Variants in CCDC102B observed in about 807,000 individuals in gnomAD.
CCDC102B encodes the protein coiled-coil domain-containing protein 102B.
A neutral mutation model predicts 57.4 loss-of-function variants in CCDC102B; 75 were observed. The observed-to-expected ratio is 1.31, with a 90% CI of 1.08 to 1.58. The LOEUF (loss-of-function observed/expected upper bound fraction) is 1.58. Ranked by LOEUF, CCDC102B falls within the 40% of genes most tolerant of loss-of-function variation. The pLI is 0.00. For missense variants in CCDC102B, 636 were observed against 582.6 expected, an observed-to-expected ratio of 1.09 and a Z score of -0.94; for synonymous variants, 206 against 201.9, an observed-to-expected ratio of 1.02 and a Z score of -0.17.
intron 6 of CCDC102B, among the ~76,000 whole-genome samples, chr18:68,902,939 C>G (rs2040503629): frequency 6.6e-6 from 1 of 152,088 alleles, no homozygotes; most frequent in Admixed American, 6.6e-5. Flanking sequence ...CACAACCCGG[C>G]ACATTTTTCT....
chr18:69,033,457 C>G (rs1333414115), intron 7 of CCDC102B, among the ~76,000 whole-genome samples: 1 of 152,072 alleles, frequency 6.6e-6, no homozygotes, highest in East Asian at 1.9e-4. Context: ...TCTCCTGTTG[C>G]CCTAGTTCTT....
intron 2 of CCDC102B, among the ~76,000 whole-genome samples, chr18:68,728,088 C>A (rs1386925807): frequency 1.3e-5 from 2 of 152,116 alleles, no homozygotes; most frequent in Non-Finnish European, 2.9e-5. Flanking sequence ...CTTGAAGTGG[C>A]AATATGGGTC....
rs1212903777 is a variant in CCDC102B at position 69,054,829 on chromosome 18, G to C, written c.*692G>C. Reference sequence around the variant, plus strand: ...ATTTCTACAGTAAAATCATGGAAAGGCATCAGCATTGCAAAGTAGCATCTA... The same window carrying C: ...ATTTCTACAGTAAAATCATGGAAAGCCATCAGCATTGCAAAGTAGCATCTA... On this transcript the variant is annotated 3_prime_UTR_variant, in exon 8 of 8. Coordinates refer to ENST00000360242, the MANE Select transcript of CCDC102B (RefSeq NM_024781.3). The C allele has an allele frequency of 1.0e-6, 1 of 985,250 alleles. No homozygotes were observed. Among genetic ancestry groups the C allele is most frequent in the African/African-American group, 1.7e-5 (1 of 57,320 alleles). 61.0% of individuals were successfully genotyped at this position (985,250 alleles called of 1,614,324 possible).
At chr18:68,915,019 GAA>G (rs986367393) in intron 6 of CCDC102B, among the ~76,000 whole-genome samples, 1 of 152,072 alleles carries the variant, frequency 6.6e-6, no homozygotes, top group Admixed American at 6.6e-5. Flanking sequence ...GAGAGAGAGA[GAA>G]ACGTGAATGA....
At chr18:68,894,441 A>C (rs1177043590) in intron 5 of CCDC102B, among the ~76,000 whole-genome samples, 1 of 151,998 alleles carries the variant, frequency 6.6e-6, no homozygotes, top group Non-Finnish European at 1.5e-5. Flanking sequence ...TTAGAATTAA[A>C]ATATTTTAGG....
chr18:68,814,273 A>G (rs968199346), intron 1 of CCDC102B, among the ~76,000 whole-genome samples: 2 of 136,782 alleles, frequency 1.5e-5, no homozygotes, highest in Non-Finnish European at 1.7e-5. Flanking sequence ...TTTGCAATTA[A>G]TCACTTTTTT....
intron 6 of CCDC102B, among the ~76,000 whole-genome samples, chr18:68,973,901 C>G (rs1446322083): frequency 1.3e-5 from 2 of 152,034 alleles, no homozygotes; most frequent in African/African-American, 4.8e-5. Flanking sequence ...AACTGCTATT[C>G]ACTGTTCTGC....
intron 5 of CCDC102B, among the ~76,000 whole-genome samples, chr18:68,893,830 G>T (rs1469576559): frequency 6.6e-6 from 1 of 152,072 alleles, no homozygotes; most frequent in Non-Finnish European, 1.5e-5. Flanking sequence ...AACTGATTCT[G>T]ATATTCATAC....
intron 2 of CCDC102B, chr18:68,838,348 G>A (rs775646066): frequency 1.1e-6 from 1 of 872,890 alleles, no homozygotes; most frequent in East Asian, 1.2e-4. Context: ...GAAACTGTAA[G>A]TGTCTTATGA....
chr18:68,716,864 G>C (rs562270491), intron 2 of CCDC102B, among the ~76,000 whole-genome samples: 27 of 152,104 alleles, frequency 1.8e-4, no homozygotes, highest in African/African-American at 6.0e-4. Flanking sequence ...GGATCACGAG[G>C]TCAAGAGATC....
chr18:68,963,321 T>A (rs779556630), intron 6 of CCDC102B, among the ~76,000 whole-genome samples: 2 of 151,948 alleles, frequency 1.3e-5, no homozygotes, highest in Admixed American at 6.6e-5. Context: ...AGGCAATACA[T>A]GGATTGGAAG....
At chr18:68,801,132 C>A (rs2035836190) in intron 1 of CCDC102B, among the ~76,000 whole-genome samples, 1 of 152,026 alleles carries the variant, frequency 6.6e-6, no homozygotes, top group South Asian at 2.1e-4. Flanking sequence ...TTTTGCCGTA[C>A]ACGAAAACAG....
Position 68,725,327 on chromosome 18 carries a change from G to A in CCDC102B, c.-67+8733G>A, listed in dbSNP as rs180773790. Among the ~76,000 whole-genome samples the A allele has an allele frequency of 2.1e-3, 322 of 152,254 alleles. 1 individual carries two copies. The highest frequency in any genetic ancestry group is 7.4e-3 in the African/African-American group (307 of 41,534). On this transcript the variant is annotated intron_variant, in intron 2 of 3. Coordinates refer to the CCDC102B transcript ENST00000578970. ...CTATTGCTGCAGTTTAAAGCAACACGAATTTATTATGTCCCAGTTCAGTAG... is the reference window on the plus strand; with the variant it reads ...CTATTGCTGCAGTTTAAAGCAACACAAATTTATTATGTCCCAGTTCAGTAG...
chr18:69,006,985 C>A (rs2145378490), intron 6 of CCDC102B, among the ~76,000 whole-genome samples: 1 of 152,268 alleles, frequency 6.6e-6, no homozygotes, highest in East Asian at 1.9e-4. Flanking sequence ...AATATTATCT[C>A]TAACACGGGA....
At chr18:68,840,958 G>A (rs2037600632) in intron 3 of CCDC102B, among the ~76,000 whole-genome samples, 1 of 152,228 alleles carries the variant, frequency 6.6e-6, no homozygotes, top group Non-Finnish European at 1.5e-5. Flanking sequence ...AAGAATAAGA[G>A]AAAAAAGGAA....
chr18:68,756,048 A>T (rs1568234077), intron 2 of CCDC102B, among the ~76,000 whole-genome samples: 1 of 151,544 alleles, frequency 6.6e-6, no homozygotes, highest in Non-Finnish European at 1.5e-5. Flanking sequence ...AAATAGAGAT[A>T]AATACAAATT....
chr18:68,771,349 G>A (rs2034630845), intron 2 of CCDC102B, among the ~76,000 whole-genome samples: 1 of 152,192 alleles, frequency 6.6e-6, no homozygotes, highest in South Asian at 2.1e-4. Context: ...ATAAGAAGCT[G>A]TAAGAGGGAC....
chr18:68,942,438 A>G (rs1351623970), intron 6 of CCDC102B, among the ~76,000 whole-genome samples: 1 of 152,086 alleles, frequency 6.6e-6, no homozygotes, highest in African/African-American at 2.4e-5. Context: ...GAGTTCCCTC[A>G]GTATTTATTG....
chr18:68,857,671 T>G (rs1021278250), intron 4 of CCDC102B, among the ~76,000 whole-genome samples: 6 of 151,808 alleles, frequency 4.0e-5, no homozygotes, highest in Non-Finnish European at 7.4e-5. Context: ...CAGATACCTA[T>G]AGTGTTTTGT....
Sources: gnomAD v4.1 joint callset for allele counts (sites outside exome capture counted in the v4.1 genomes callset) on GRCh38, gnomAD v4.1.1 for gene constraint, MANE v1.5 for transcripts, NCBI Gene and HGNC (gene_info 2026-07-23, HGNC 2026-07-21) for gene names.